ADGRV1: variants seen among roughly 807,000 people sequenced by gnomAD.
The protein encoded by ADGRV1 is adhesion G protein-coupled receptor V1.
A neutral mutation model predicts 596.2 loss-of-function variants in ADGRV1; 359 were observed. The ratio of observed to expected loss-of-function variants is 0.60; its 90% CI spans 0.55 to 0.66. The LOEUF (loss-of-function observed/expected upper bound fraction) is 0.66, where lower values mean the gene tolerates loss of function less well. Among genes scored for constraint, ADGRV1 ranks in the 30% least tolerant of loss-of-function variants. ADGRV1 has a pLI of 0.00. For missense variants in ADGRV1, 7,274 were observed against 7,575.6 expected (o/e 0.96, Z 1.48); for synonymous variants, 2,681 against 2,679.2 (o/e 1.00, Z -0.02).
chr5:90,827,639 T>C (rs1465532615), intron 76 of ADGRV1, among the ~76,000 whole-genome samples: 1 of 152,226 alleles, frequency 6.6e-6, no homozygotes, highest in East Asian at 1.9e-4. Flanking sequence ...TATACTTTGA[T>C]AGTGCTTTAG....
chr5:90,965,825 A>C (rs532539169), intron 84 of ADGRV1, among the ~76,000 whole-genome samples: 160 of 152,330 alleles, frequency 1.1e-3, no homozygotes, highest in Non-Finnish European at 1.0e-3. Flanking sequence ...ACATTTTTCT[A>C]GGAAAAGTAA....
rs1561865869 is a variant in ADGRV1 at position 90,863,851 on chromosome 5, TAC to T, written c.17854_17855del (p.Gln5952AspfsTer15). The T allele has an allele frequency of 6.2e-7, 1 of 1,606,064 alleles. No homozygotes were observed. The highest frequency in any genetic ancestry group is 2.2e-5 in the East Asian group (1 of 44,840). ...LTHMMAASLG[T>X]QILFLASAYA... ...CTCACATGATGGCAGCCAGCTTAGGTACACAGGTAGGAGAGCGCTGGCATTTT... is the reference window on the plus strand; with the variant it reads ...CTCACATGATGGCAGCCAGCTTAGGTACAGGTAGGAGAGCGCTGGCATTTT... On this transcript the variant is annotated frameshift_variant, in exon 83 of 90. Transcript: ENST00000405460. LOFTEE classifies it high-confidence loss of function.
intron 48 of ADGRV1, among the ~76,000 whole-genome samples, chr5:90,726,651 GTA>G (rs1228127004): frequency 6.0e-5 from 7 of 117,468 alleles, no homozygotes; most frequent in African/African-American, 1.1e-4. Flanking sequence ...CTCTCTCTGG[GTA>G]TGTGTGTGTG....
chr5:90,737,565 C>T (rs969025211), intron 50 of ADGRV1, among the ~76,000 whole-genome samples: 1 of 151,970 alleles, frequency 6.6e-6, no homozygotes. Flanking sequence ...CAGTCTATAT[C>T]ACCCTTCAGA....
At chr5:90,634,065 G>A (rs1489809539) in intron 9 of ADGRV1, among the ~76,000 whole-genome samples, 2 of 152,176 alleles carry the variant, frequency 1.3e-5, no homozygotes, top group African/African-American at 4.8e-5. Flanking sequence ...AAGAGTGGCA[G>A]AGACATGTTT....
At chr5:90,912,771 A>G (rs1173965046) in intron 83 of ADGRV1, among the ~76,000 whole-genome samples, 1 of 152,170 alleles carries the variant, frequency 6.6e-6, no homozygotes, top group Non-Finnish European at 1.5e-5. Flanking sequence ...ATGGCTGCAA[A>G]GTATCCCATG....
Position 91,150,124 on chromosome 5 carries a change from G to A in ADGRV1, c.18527G>A (p.Gly6176Glu), listed in dbSNP as rs777416633. ...SYTVEMNGHP[G>E]PSTAFFTPGS... The stretch of plus-strand genomic sequence containing the variant: ...ACTGTGGAAATGAATGGGCATCCTG[G>A]ACCCAGCACAGCCTTTTTCACGCCC... Residue 6176 changes from glycine to glutamate, a missense_variant, in exon 88 of 90, where the codon GGA becomes GAA. Around this residue, in one of 5 missense-constraint regions of ADGRV1, gnomAD observed 1,874 missense variants for 1,970.2 expected, o/e 0.95. Transcript: ENST00000405460. 1.4e-5 allele frequency: 22 copies of A among 1,589,318 alleles called. No individual in the cohort carries two copies. In the East Asian group the frequency reaches 5.0e-4, roughly 36 times the overall value.
At chr5:90,870,433 G>A (rs1388904662) in intron 83 of ADGRV1, among the ~76,000 whole-genome samples, 5 of 152,104 alleles carry the variant, frequency 3.3e-5, no homozygotes, top group African/African-American at 2.4e-5. Context: ...TAGAGACCAC[G>A]CTATGTGGAA....
In ADGRV1 at chr5:90,725,002, AT is replaced by A. The variant is rs1192441497; in HGVS notation, c.9906+20del. ...TATTCCAGTTGAGGTAAACATCAGT[AT>A]TTTTTTATAGTACAAAAATAAAATG... On this transcript the variant is annotated intron_variant, in intron 46 of 89. Transcript: ENST00000405460. The A allele has an allele frequency of 1.9e-6, 3 of 1,576,206 alleles. No individual in the cohort carries two copies. The highest frequency in any genetic ancestry group is 2.6e-6 in the Non-Finnish European group (3 of 1,163,788).
rs560229142 is a variant in ADGRV1 at position 90,603,915 on chromosome 5, C to T, written c.23-10920C>T. Among the ~76,000 whole-genome samples, 270 of 138,684 alleles carry T rather than the reference C, an allele frequency of 1.9e-3. 3 individuals are homozygous for T. The highest frequency in any genetic ancestry group is 6.8e-3 in the African/African-American group (265 of 38,694). The allele number at this position is 138,684 out of a possible 152,430, so 91.0% of individuals were successfully genotyped here. On this transcript the variant is annotated intron_variant, in intron 1 of 89. Transcript: ENST00000405460. ...GCCTGCACACACGTGTGTGCAGGCA[C>T]GTACACACACATGCACGCTCACCAC...
chr5:90,588,558 C>G (rs1453774644), intron 1 of ADGRV1, among the ~76,000 whole-genome samples: 1 of 152,078 alleles, frequency 6.6e-6, no homozygotes, highest in Non-Finnish European at 1.5e-5. Context: ...GTGATACGTC[C>G]CATGACGTAG....
intron 43 of ADGRV1, chr5:90,718,471 A>G (rs1750449102): frequency 6.6e-6 from 1 of 152,206 alleles, no homozygotes; most frequent in African/African-American, 2.4e-5. Flanking sequence ...TGTTAGCTTT[A>G]GGCATTTTTC....
intron 34 of ADGRV1, among the ~76,000 whole-genome samples, chr5:90,699,578 CAA>C (rs1380844350): frequency 6.6e-6 from 1 of 152,070 alleles, no homozygotes; most frequent in African/African-American, 2.4e-5. Flanking sequence ...CTAAGGAATA[CAA>C]AACAATTTGG....
At chr5:90,619,999 A>G (rs1045607116) in intron 4 of ADGRV1, among the ~76,000 whole-genome samples, 2 of 151,920 alleles carry the variant, frequency 1.3e-5, no homozygotes, top group African/African-American at 2.4e-5. Flanking sequence ...CCAGTCTATC[A>G]TTGTTGGACA....
chr5:90,794,342 G>A (rs1760425987), intron 70 of ADGRV1, among the ~76,000 whole-genome samples: 1 of 152,186 alleles, frequency 6.6e-6, no homozygotes, highest in African/African-American at 2.4e-5. Context: ...CTGGTTAACA[G>A]CTGGCTTTTT....
intron 46 of ADGRV1, 43 bp downstream of exon 46, chr5:90,725,032 A>G: frequency 1.3e-6 from 2 of 1,544,138 alleles, no homozygotes; most frequent in East Asian, 4.5e-5. Flanking sequence ...TAAAATGTGC[A>G]GATAAATTTT....
At chr5:90,930,486 C>G (rs1445891596) in intron 83 of ADGRV1, among the ~76,000 whole-genome samples, 1 of 152,118 alleles carries the variant, frequency 6.6e-6, no homozygotes, top group African/African-American at 2.4e-5. Flanking sequence ...TGTACATGGA[C>G]TTTTATAACT....
chr5:90,830,732 T>C (rs182144615), intron 77 of ADGRV1, among the ~76,000 whole-genome samples: 1 of 152,320 alleles, frequency 6.6e-6, no homozygotes, highest in Admixed American at 6.5e-5. Context: ...TGGTTAATTT[T>C]ATATGTCAAC....
chr5:90,893,036 T>TA (rs1303287431), intron 83 of ADGRV1, among the ~76,000 whole-genome samples: 1 of 152,220 alleles, frequency 6.6e-6, no homozygotes, highest in African/African-American at 2.4e-5. Flanking sequence ...AATCATTTAT[T>TA]ATGTCACAAA....
Sources: allele counts gnomAD v4.1 joint callset (sites outside exome capture counted in the v4.1 genomes callset), GRCh38; gene constraint gnomAD v4.1.1; regional missense constraint gnomAD v4.1.1; transcripts MANE v1.5; gene names NCBI Gene and HGNC (gene_info 2026-07-23, HGNC 2026-07-21).